The following CFAP54 variants were observed in gnomAD, a reference collection of about 807,000 sequenced individuals.
The protein encoded by CFAP54 is cilia- and flagella-associated protein 54.
A neutral mutation model predicts 370.4 loss-of-function variants in CFAP54; 290 were observed. That is an observed-to-expected ratio of 0.78 (90% CI 0.71 to 0.86). CFAP54 has a LOEUF of 0.86. Among genes scored for constraint, CFAP54 ranks in the 40% least tolerant of loss-of-function variants. The probability of loss-of-function intolerance (pLI) is 0.00; values close to 1 mark genes in which losing one functional copy is unlikely to be tolerated. For synonymous variants in CFAP54, 1,206 were observed against 1,236.5 expected (o/e 0.98, Z 0.52); for missense variants, 3,399 against 3,528.7 (o/e 0.96, Z 0.93).
intron 13 of CFAP54, chr12:96,538,764 T>A (rs1329995675): frequency 7.3e-6 from 3 of 411,082 alleles, no homozygotes; most frequent in Admixed American, 4.0e-5. Context: ...GGCCTTTTTT[T>A]TTTTGGCAGA....
At chr12:96,633,040 G>T (rs1467692459) in intron 32 of CFAP54, among the ~76,000 whole-genome samples, 2 of 151,960 alleles carry the variant, frequency 1.3e-5, no homozygotes, top group Non-Finnish European at 2.9e-5. Context: ...CTTTGTATAG[G>T]TGTATAGTTG....
intron 14 of CFAP54, among the ~76,000 whole-genome samples, chr12:96,546,251 T>C (rs960188764): frequency 6.6e-6 from 1 of 152,134 alleles, no homozygotes; most frequent in Non-Finnish European, 1.5e-5. Context: ...CCAGCTGGTG[T>C]CCACCGCAGA....
intron 55 of CFAP54, among the ~76,000 whole-genome samples, chr12:96,750,190 C>T (rs1395903723): frequency 2.0e-5 from 3 of 152,180 alleles, no homozygotes; most frequent in Non-Finnish European, 2.9e-5. Context: ...GCTGCCTGCC[C>T]TGGTTCCCAG....
intron 5 of CFAP54, among the ~76,000 whole-genome samples, chr12:96,518,144 C>T (rs1240968541): frequency 2.0e-5 from 3 of 152,130 alleles, no homozygotes. Flanking sequence ...GTAAAATGAT[C>T]CAGCCACTAG....
chr12:96,556,490 A>G (rs1222311492), intron 17 of CFAP54, among the ~76,000 whole-genome samples: 1 of 152,088 alleles, frequency 6.6e-6, no homozygotes, highest in Non-Finnish European at 1.5e-5. Flanking sequence ...GCTGTAACAA[A>G]TTACTACAAA....
At chr12:96,651,479 TGTTA>T in intron 35 of CFAP54, 105 bp from the exon 36 acceptor site, 1 of 816,062 alleles carries the variant, frequency 1.2e-6, no homozygotes, top group Non-Finnish European at 2.0e-6. Context: ...TAACAAATGA[TGTTA>T]GTTATTTTTA....
At chr12:96,784,683 T>A in intron 60 of CFAP54, 34 bp from the exon 61 acceptor site, 4 of 1,416,562 alleles carry the variant, frequency 2.8e-6, no homozygotes. Context: ...CATAATATAA[T>A]ATTGTATTAC....
In CFAP54 at chr12:96,594,422, T is replaced by C; in HGVS notation, c.3492T>C (p.Asn1164=). Residue 1164 remains asparagine, a synonymous_variant, in exon 25 of 68, where the codon AAT becomes AAC. Transcript: ENST00000524981. ...TTCTTGCTCCCATAATTTATCACAA[T>C]ATTGTTTTGGTACCTGTTGTACAGG... The part of the protein sequence containing the change: ...YGLLAPIIYH[N]IVLVPVVQIL... 3.3e-6 allele frequency: 5 copies of C among 1,533,700 alleles called. No homozygotes were observed. Among genetic ancestry groups the C allele is most frequent in the Non-Finnish European group, 4.4e-6 (5 of 1,145,188 alleles).
intron 65 of CFAP54, among the ~76,000 whole-genome samples, chr12:96,827,727 T>TATTTAATATAATTATATATAATTAC (rs1959134145): frequency 8.0e-6 from 1 of 125,370 alleles, no homozygotes; most frequent in Non-Finnish European, 1.6e-5. Flanking sequence ...TATATAATTA[T>TATTTAATATAATTATATATAATTAC]ATTTAATATA....
In CFAP54 at chr12:96,512,337, AT is replaced by A. The variant is rs1429521389; in HGVS notation, c.740-648del. ...TATATATATATATATATATATATAT[AT>A]ATATATATATATGTATATATTTGAG... On this transcript the variant is annotated intron_variant, in intron 4 of 67. Transcript: ENST00000524981. Among the ~76,000 whole-genome samples the A allele has an allele frequency of 3.6e-3, 139 of 38,746 alleles. 1 individual carries two copies. The highest frequency in any genetic ancestry group is 0.014 in the African/African-American group (132 of 9,524). The allele number at this position is 38,746 out of a possible 152,430, so 25.4% of individuals were successfully genotyped here. A position where few individuals can be genotyped will look rare whatever the true frequency, so the allele number is the denominator to read the frequency against.
At chr12:96,675,136 C>T (rs1223728571) in intron 39 of CFAP54, among the ~76,000 whole-genome samples, 2 of 151,988 alleles carry the variant, frequency 1.3e-5, no homozygotes, top group African/African-American at 2.4e-5. Context: ...AAACTACCAT[C>T]AGAGTGAACA....
At chr12:96,726,619 A>T (rs1386860144) in intron 50 of CFAP54, among the ~76,000 whole-genome samples, 3 of 151,846 alleles carry the variant, frequency 2.0e-5, no homozygotes, top group Non-Finnish European at 4.4e-5. Flanking sequence ...ATCCTTTCAA[A>T]AAACCAGCTC....
chr12:96,741,176 T>G (rs534658417), intron 51 of CFAP54, among the ~76,000 whole-genome samples: 7 of 151,586 alleles, frequency 4.6e-5, no homozygotes, highest in East Asian at 1.9e-4. Context: ...GGTTTTTTGG[T>G]TTTTTTTTGA....
At chr12:96,782,861 T>A (rs1161386005) in intron 60 of CFAP54, among the ~76,000 whole-genome samples, 3 of 152,174 alleles carry the variant, frequency 2.0e-5, no homozygotes, top group Non-Finnish European at 2.9e-5. Flanking sequence ...TAAATATTTA[T>A]AGCAGCCTTG....
chr12:96,505,016 TTTTCTTTTCTTCTCTTTC>T (rs1215432949), intron 3 of CFAP54, among the ~76,000 whole-genome samples: 2 of 148,618 alleles, frequency 1.3e-5, no homozygotes, highest in Admixed American at 1.4e-4. Context: ...CTTTCTTTCT[TTTTCTTTTCTTCTCTTTC>T]TTTCTTTTCT....
intron 65 of CFAP54, among the ~76,000 whole-genome samples, chr12:96,821,025 G>A (rs1336630354): frequency 6.6e-6 from 1 of 152,106 alleles, no homozygotes; most frequent in Admixed American, 6.6e-5. Flanking sequence ...ATCTGTTAGA[G>A]TAAGGATTCT....
At chr12:96,861,779 C>A (rs1257260828) in intron 67 of CFAP54, among the ~76,000 whole-genome samples, 1 of 152,104 alleles carries the variant, frequency 6.6e-6, no homozygotes, top group South Asian at 2.1e-4. Context: ...TAGCACAATG[C>A]CTGATGTAAT....
At chr12:96,821,893 A>G (rs1959039765) in intron 65 of CFAP54, among the ~76,000 whole-genome samples, 2 of 152,252 alleles carry the variant, frequency 1.3e-5, no homozygotes, top group African/African-American at 4.8e-5. Flanking sequence ...ATTTATTTCT[A>G]TTAACAGTAT....
At chr12:96,801,621 C>T (rs978886277) in intron 63 of CFAP54, among the ~76,000 whole-genome samples, 13 of 152,170 alleles carry the variant, frequency 8.5e-5, no homozygotes, top group Admixed American at 6.5e-4. Context: ...TTAGCTTTAT[C>T]CTGTCTCATC....
Sources: allele counts gnomAD v4.1 joint callset (sites outside exome capture counted in the v4.1 genomes callset), GRCh38; gene constraint gnomAD v4.1.1; transcripts MANE v1.5; gene names NCBI Gene and HGNC (gene_info 2026-07-23, HGNC 2026-07-21).